Variants in CSE1L observed in about 807,000 individuals in gnomAD.
CSE1L encodes chromosome segregation 1 like, also known as exportin-2.
A neutral mutation model predicts 120.4 loss-of-function variants in CSE1L; 24 were observed. The observed-to-expected ratio is 0.20, with a 90% CI of 0.14 to 0.28. The LOEUF (loss-of-function observed/expected upper bound fraction) is 0.28. Among genes scored for constraint, CSE1L ranks in the 10% least tolerant of loss-of-function variants. The pLI is 1.00. For missense variants in CSE1L, 830 were observed against 1,145.2 expected, an observed-to-expected ratio of 0.72 and a Z score of 3.97; for synonymous variants, 402 against 398.3, an observed-to-expected ratio of 1.01 and a Z score of -0.11.
At chr20:49,067,044 A>AAAAAC (rs1244875275) in intron 5 of CSE1L, 146 bp from the exon 6 acceptor site, 2 of 433,558 alleles carry the variant, frequency 4.6e-6, no homozygotes, top group African/African-American at 4.1e-5. Flanking sequence ...AAAAAAAAAA[A>AAAAAC]AAAAAAAAAA....
rs140884339 is a variant in CSE1L at position 49,068,593 on chromosome 20, C to T, written c.568-122C>T. 1.4e-4 allele frequency: 90 copies of T among 665,402 alleles called. No homozygotes were observed. In the South Asian group the frequency reaches 1.6e-3, roughly 12 times the overall value. The allele number at this position is 665,402 out of a possible 1,614,324, so 41.2% of individuals were successfully genotyped here. A position where few individuals can be genotyped will look rare whatever the true frequency, so the allele number is the denominator to read the frequency against. On this transcript the variant is annotated intron_variant, in intron 6 of 24. Transcript: ENST00000262982. ...CAGCCTGGACGACAGAGCAAGACTC[C>T]GTCTCAAAAAAATAAATAAGTAAAA...
At chr20:49,066,858 G>A (rs113605591) in intron 5 of CSE1L, among the ~76,000 whole-genome samples, 7,038 of 151,464 alleles carry the variant, frequency 0.046, 501 homozygotes, top group African/African-American at 0.15. Context: ...GTAAAACCCC[G>A]TCTCTACTAA....
chr20:49,063,109 C>CT (rs1030184099), intron 2 of CSE1L, 93 bp from the exon 3 acceptor site: 18 of 648,298 alleles, frequency 2.8e-5, no homozygotes, highest in Middle Eastern at 1.1e-3. Flanking sequence ...AATCTTTTCT[C>CT]TTTTTTTGAT....
intron 21 of CSE1L, 132 bp downstream of exon 21, chr20:49,091,154 G>A (rs1600550618): frequency 1.5e-6 from 1 of 678,074 alleles, no homozygotes; most frequent in East Asian, 2.7e-5. Flanking sequence ...CACGTGTGGA[G>A]GTTCATGCCT....
rs568803842 is a variant in CSE1L at position 49,058,608 on chromosome 20, A to G, written c.85+60A>G. 2.8e-5 allele frequency: 35 copies of G among 1,249,512 alleles called. No individual in the cohort carries two copies. The South Asian group carries it at 4.0e-4, about 14-fold the overall frequency. 77.4% of individuals were successfully genotyped at this position (1,249,512 alleles called of 1,614,324 possible). On this transcript the variant is annotated intron_variant, in intron 2 of 24. Coordinates refer to ENST00000262982, the MANE Select transcript of CSE1L (RefSeq NM_001316.4). ...CCTTCAGGACAGGTGAGAGAAACCT[A>G]TGTATTATCTGCCTCCTTATAAATA...
intron 2 of CSE1L, among the ~76,000 whole-genome samples, chr20:49,059,871 C>A (rs559682745): frequency 6.7e-6 from 1 of 149,692 alleles, no homozygotes; most frequent in Admixed American, 6.7e-5. Context: ...CAGAGCGAGA[C>A]GTAGTCCCAA....
intron 2 of CSE1L, among the ~76,000 whole-genome samples, chr20:49,061,486 A>T (rs1222228055): frequency 6.0e-5 from 8 of 132,904 alleles, no homozygotes; most frequent in South Asian, 2.5e-4. Context: ...AATTATTATT[A>T]TTATTTATTT....
At chr20:49,048,262 C>T (rs925077897) in intron 1 of CSE1L, among the ~76,000 whole-genome samples, 1 of 151,970 alleles carries the variant, frequency 6.6e-6, no homozygotes, top group Admixed American at 6.6e-5. Flanking sequence ...GTCTCTCTCC[C>T]CTTCTGATTA....
chr20:49,048,146 C>CTTTTT (rs34878925), intron 1 of CSE1L, among the ~76,000 whole-genome samples: 2 of 128,736 alleles, frequency 1.6e-5, no homozygotes, highest in Admixed American at 7.8e-5. Flanking sequence ...GTGTCTCTCT[C>CTTTTT]TTTTTTTTTT....
At position 49,066,451 on chromosome 20, in the gene CSE1L, G is replaced by C; in HGVS notation, c.417G>C (p.Gln139His). Reference sequence around the variant, plus strand: ...TGACAGAAATGGTGAATCGCTTTCAGAGTGGAGATTTCCATGTTATTAATG... The same window carrying C: ...TGACAGAAATGGTGAATCGCTTTCACAGTGGAGATTTCCATGTTATTAATG... ...DLLTEMVNRF[Q>H]SGDFHVINGV... Residue 139 changes from glutamine (Q) to histidine (H), a missense_variant, in exon 5 of 25, where the codon CAG (glutamine) becomes CAC (histidine). This residue lies in a region of CSE1L where 543 missense variants were observed against 640.2 expected (regional missense o/e 0.85). Coordinates refer to ENST00000262982, the MANE Select transcript of CSE1L (RefSeq NM_001316.4). The C allele has an allele frequency of 6.2e-7, 1 of 1,614,172 alleles. No individual in the cohort carries two copies. Among genetic ancestry groups the C allele is most frequent in the Non-Finnish European group, 8.5e-7 (1 of 1,180,024 alleles).
chr20:49,047,931 C>T (rs1487704609), intron 1 of CSE1L, among the ~76,000 whole-genome samples: 1 of 152,110 alleles, frequency 6.6e-6, no homozygotes, highest in Non-Finnish European at 1.5e-5. Flanking sequence ...AGAATGTAAG[C>T]TGTTTGAGAG....
At chr20:49,059,911 G>T (rs1265641255) in intron 2 of CSE1L, among the ~76,000 whole-genome samples, 1 of 151,760 alleles carries the variant, frequency 6.6e-6, no homozygotes, top group Non-Finnish European at 1.5e-5. Flanking sequence ...CACAGCCAGG[G>T]TTGGTGGTCA....
intron 3 of CSE1L, among the ~76,000 whole-genome samples, chr20:49,064,839 T>C (rs1036872245): frequency 1.1e-4 from 17 of 150,730 alleles, no homozygotes; most frequent in Admixed American, 1.1e-3. Flanking sequence ...TAGGATGCAT[T>C]CTAACTAGTA....
At chr20:49,077,531 TAAAG>T (rs2091978913) in intron 13 of CSE1L, among the ~76,000 whole-genome samples, 3 of 152,154 alleles carry the variant, frequency 2.0e-5, no homozygotes, top group South Asian at 2.1e-4. Flanking sequence ...TAATTATTGA[TAAAG>T]AAAATATTGC....
intron 12 of CSE1L, among the ~76,000 whole-genome samples, chr20:49,076,175 T>TGTG: frequency 6.9e-6 from 1 of 145,294 alleles, no homozygotes; most frequent in Non-Finnish European, 1.5e-5. Context: ...GGTTGTGTTT[T>TGTG]GTTGTTGTTG....
chr20:49,085,535 A>G (rs1439761251), intron 16 of CSE1L, 149 bp downstream of exon 16: 1 of 377,132 alleles, frequency 2.7e-6, no homozygotes, highest in Non-Finnish European at 4.8e-6. Flanking sequence ...AAAATGAAAA[A>G]CATTATCTTG....
At chr20:49,085,919 C>T (rs924591887) in intron 16 of CSE1L, among the ~76,000 whole-genome samples, 7 of 152,010 alleles carry the variant, frequency 4.6e-5, no homozygotes, top group Non-Finnish European at 1.0e-4. Context: ...GTAGCAAAGC[C>T]CTTTTTTCCT....
intron 16 of CSE1L, 95 bp downstream of exon 16, chr20:49,085,481 A>T: frequency 2.7e-6 from 2 of 751,734 alleles, no homozygotes; most frequent in Non-Finnish European, 4.3e-6. Flanking sequence ...ACAGTCTATG[A>T]ACCAGATAAT....
intron 6 of CSE1L, among the ~76,000 whole-genome samples, chr20:49,068,096 A>C (rs1255078437): frequency 1.3e-5 from 2 of 152,114 alleles, no homozygotes; most frequent in African/African-American, 4.8e-5. Flanking sequence ...AAGAATTGGA[A>C]ACAACCTAAA....
Sources: allele counts gnomAD v4.1 joint callset (sites outside exome capture counted in the v4.1 genomes callset), GRCh38; gene constraint gnomAD v4.1.1; regional missense constraint gnomAD v4.1.1; transcripts MANE v1.5; gene names NCBI Gene and HGNC (gene_info 2026-07-23, HGNC 2026-07-21).